FTCDNL1: variants seen among roughly 807,000 people sequenced by gnomAD.
FTCDNL1 encodes formiminotransferase cyclodeaminase N-terminal like.
Under a neutral mutation model 5.9 loss-of-function variants are expected in FTCDNL1, and 11 were observed. That is an observed-to-expected ratio of 1.87 (90% CI 1.18 to 3.10). FTCDNL1 has a LOEUF of 3.10. Ranked by LOEUF, FTCDNL1 falls within the 30% of genes most tolerant of loss-of-function variation. The pLI is 0.00. For synonymous variants in FTCDNL1, 58 were observed against 24.8 expected (o/e 2.34, Z -3.99); for missense variants, 115 against 65.5 (o/e 1.76, Z -2.61).
the FTCDNL1 span, among the ~76,000 whole-genome samples, chr2:199,712,730 G>A: frequency 2.0e-5 from 3 of 152,164 alleles, no homozygotes; most frequent in Non-Finnish European, 4.4e-5. Flanking sequence ...CCACTGCCAA[G>A]CCTTGGCATT....
the FTCDNL1 span, among the ~76,000 whole-genome samples, chr2:199,708,354 T>A: frequency 9.2e-5 from 14 of 152,256 alleles, no homozygotes; most frequent in East Asian, 2.5e-3. Context: ...TCTGCTAATA[T>A]CATCCCCACT....
chr2:199,710,751 T>C, the FTCDNL1 span, among the ~76,000 whole-genome samples: 1 of 152,168 alleles, frequency 6.6e-6, no homozygotes. Context: ...AATTAGATTA[T>C]TGCTAAGGCC....
chr2:199,818,881 C>G (rs1180669794), intron 4 of FTCDNL1: 1 of 152,078 alleles, frequency 6.6e-6, no homozygotes, highest in Non-Finnish European at 1.5e-5. Context: ...ACAATTAAGA[C>G]TCAAATAAGT....
intron 3 of FTCDNL1, among the ~76,000 whole-genome samples, chr2:199,835,265 A>AAGC (rs1351823645): frequency 6.6e-6 from 1 of 152,238 alleles, no homozygotes; most frequent in East Asian, 1.9e-4. Context: ...TAGGTAACTC[A>AAGC]GACAGTCCCA....
At chr2:199,838,069 T>C (rs1702877945) in intron 3 of FTCDNL1, among the ~76,000 whole-genome samples, 1 of 152,184 alleles carries the variant, frequency 6.6e-6, no homozygotes, top group Non-Finnish European at 1.5e-5. Context: ...CATGAAAGTT[T>C]GTGTGTCAAC....
intron 3 of FTCDNL1, among the ~76,000 whole-genome samples, chr2:199,762,599 T>C (rs531354860): frequency 2.6e-4 from 39 of 152,246 alleles, no homozygotes; most frequent in Non-Finnish European, 5.3e-4. Flanking sequence ...ATAGCACAAA[T>C]GGATATTTAA....
At chr2:199,746,970 G>A in the FTCDNL1 span, among the ~76,000 whole-genome samples, 16 of 151,292 alleles carry the variant, frequency 1.1e-4, no homozygotes, top group South Asian at 3.4e-3. Context: ...CGTGAATTTT[G>A]TTCAGCCAGC....
intron 3 of FTCDNL1, among the ~76,000 whole-genome samples, chr2:199,766,298 A>G (rs571421060): frequency 1.3e-5 from 2 of 152,256 alleles, no homozygotes. Flanking sequence ...GCCACCACAA[A>G]TAAACACTTG....
downstream of FTCDNL1, among the ~76,000 whole-genome samples, chr2:199,759,725 T>C (rs971519779): frequency 1.3e-5 from 2 of 152,256 alleles, no homozygotes; most frequent in Non-Finnish European, 2.9e-5. Flanking sequence ...CCTTTAAATA[T>C]TGCTGTGGCT....
intron 3 of FTCDNL1, chr2:199,785,694 C>G (rs576047485): frequency 1.3e-5 from 2 of 152,240 alleles, no homozygotes; most frequent in East Asian, 1.9e-4. Context: ...CCAGGTTAGT[C>G]TCAAACTCCA....
downstream of FTCDNL1, among the ~76,000 whole-genome samples, chr2:199,808,931 A>G (rs976186562): frequency 1.3e-5 from 2 of 152,170 alleles, no homozygotes; most frequent in African/African-American, 2.4e-5. Context: ...TGTTCCTTCT[A>G]TCGGGCCACA....
intron 3 of FTCDNL1, among the ~76,000 whole-genome samples, chr2:199,773,583 C>T (rs966599738): frequency 3.3e-5 from 5 of 152,186 alleles, no homozygotes; most frequent in African/African-American, 1.2e-4. Context: ...TCAGTGGCAT[C>T]CAGTCTGAGA....
the FTCDNL1 span, among the ~76,000 whole-genome samples, chr2:199,713,476 C>G: frequency 1.3e-5 from 2 of 152,162 alleles, no homozygotes; most frequent in Non-Finnish European, 2.9e-5. Context: ...GCAAACCAAA[C>G]AGTTGCCTGA....
At position 199,809,441 on chromosome 2, in the gene FTCDNL1, T is replaced by C. The variant is rs958063318; in HGVS notation, c.*3264A>G. Among the ~76,000 whole-genome samples, 16 of 151,992 alleles carry C rather than the reference T, an allele frequency of 1.1e-4. No individual in the cohort carries two copies. The highest frequency in any genetic ancestry group is 7.3e-5 in the Non-Finnish European group (5 of 68,030). On this transcript the variant is annotated 3_prime_UTR_variant, in exon 5 of 5. Coordinates refer to ENST00000420128, the MANE Select transcript of FTCDNL1 (RefSeq NM_001363886.2). Reference sequence around the variant, plus strand: ...AATAAATTCACATTTTGCGCTCTTATTAAAGAAGATCACAGTCTTTCTTGC... The same window carrying C: ...AATAAATTCACATTTTGCGCTCTTACTAAAGAAGATCACAGTCTTTCTTGC...
chr2:199,689,241 A>G, the FTCDNL1 span, among the ~76,000 whole-genome samples: 3 of 152,206 alleles, frequency 2.0e-5, no homozygotes, highest in Non-Finnish European at 4.4e-5. Context: ...ATTTTTATGT[A>G]GTTACCCTTA....
chr2:199,722,381 G>A, the FTCDNL1 span, among the ~76,000 whole-genome samples: 1 of 152,152 alleles, frequency 6.6e-6, no homozygotes, highest in South Asian at 2.1e-4. Context: ...TATTAAATAG[G>A]CAATCCTTTC....
At chr2:199,754,848 C>A in the FTCDNL1 span, among the ~76,000 whole-genome samples, 1 of 152,310 alleles carries the variant, frequency 6.6e-6, no homozygotes, top group Admixed American at 6.5e-5. Context: ...AAGTAAAACA[C>A]ACACATAATT....
downstream of FTCDNL1, among the ~76,000 whole-genome samples, chr2:199,758,265 A>C (rs1450897793): frequency 6.6e-6 from 1 of 152,192 alleles, no homozygotes; most frequent in Non-Finnish European, 1.5e-5. Flanking sequence ...CAAGGGTTTA[A>C]TATATGAAAT....
chr2:199,688,230 CAAA>C, the FTCDNL1 span, among the ~76,000 whole-genome samples: 1 of 120,258 alleles, frequency 8.3e-6, no homozygotes. Flanking sequence ...GACTCTGTCT[CAAA>C]AAAAAAAAAA....
Sources: gnomAD v4.1 joint callset for allele counts (sites outside exome capture counted in the v4.1 genomes callset) on GRCh38, gnomAD v4.1.1 for gene constraint, MANE v1.5 for transcripts, NCBI Gene and HGNC (gene_info 2026-07-23, HGNC 2026-07-21) for gene names.